PIK3R1: variants seen among roughly 807,000 people sequenced by gnomAD.
The protein encoded by PIK3R1 is phosphoinositide-3-kinase regulatory subunit 1.
A neutral mutation model predicts 98.0 loss-of-function variants in PIK3R1; 29 were observed. The observed-to-expected ratio is 0.30, with a 90% CI of 0.22 to 0.40. PIK3R1 has a LOEUF of 0.40. Among genes scored for constraint, PIK3R1 ranks in the 10% least tolerant of loss-of-function variants. The pLI is 1.00. For missense variants in PIK3R1, 596 were observed against 872.7 expected (o/e 0.68, Z 3.99); for synonymous variants, 282 against 311.8 (o/e 0.90, Z 1.01).
intron 2 of PIK3R1, among the ~76,000 whole-genome samples, chr5:68,265,007 G>A (rs1247795436): frequency 6.6e-6 from 1 of 152,142 alleles, no homozygotes; most frequent in Non-Finnish European, 1.5e-5. Context: ...TCAGTAAGAA[G>A]GTCAATCATT....
Position 68,262,386 on chromosome 5 carries a change from T to TATATATATATATATA in PIK3R1, c.335-11004_335-11003insATATATATATATATA, listed in dbSNP as rs576101819. 3.4e-3 allele frequency among the ~76,000 whole-genome samples: 471 copies of TATATATATATATATA among 138,454 alleles called. 6 individuals carry two copies. Among genetic ancestry groups the TATATATATATATATA allele is most frequent in the African/African-American group, 0.012 (437 of 37,246 alleles). 90.8% of individuals were successfully genotyped at this position (138,454 alleles called of 152,430 possible). ...ATGACCAGGCTTCTTTCTATAATTTTTATATATATATATATATACACACAC... is the reference window on the plus strand; with the variant it reads ...ATGACCAGGCTTCTTTCTATAATTTTATATATATATATATATATATATATATATATATACACACAC... On this transcript the variant is annotated intron_variant, in intron 2 of 15. Coordinates refer to ENST00000521381, the MANE Select transcript of PIK3R1 (RefSeq NM_181523.3).
At chr5:68,275,333 A>G (rs1307372333) in intron 4 of PIK3R1, among the ~76,000 whole-genome samples, 1 of 152,106 alleles carries the variant, frequency 6.6e-6, no homozygotes, top group Admixed American at 6.6e-5. Flanking sequence ...CTTTAAGGAA[A>G]CGCTGAATTT....
At chr5:68,227,871 A>T (rs1744339456) in intron 2 of PIK3R1, among the ~76,000 whole-genome samples, 1 of 152,230 alleles carries the variant, frequency 6.6e-6, no homozygotes. Flanking sequence ...AACCACCTTC[A>T]TTCAAAAACC....
chr5:68,288,752 G>GT (rs762524019), intron 7 of PIK3R1: 1 of 1,613,710 alleles, frequency 6.2e-7, no homozygotes, highest in Non-Finnish European at 8.5e-7. Context: ...AACCTGCAAA[G>GT]TAAGTTGCCT....
chr5:68,284,591 A>T (rs1455332745), intron 7 of PIK3R1, among the ~76,000 whole-genome samples: 1 of 152,222 alleles, frequency 6.6e-6, no homozygotes, highest in African/African-American at 2.4e-5. Context: ...CCCGTTTTAT[A>T]TGCAAGTTAA....
intron 2 of PIK3R1, among the ~76,000 whole-genome samples, chr5:68,268,892 A>G (rs966196024): frequency 1.3e-5 from 2 of 152,202 alleles, no homozygotes; most frequent in African/African-American, 2.4e-5. Context: ...GTGCCCAAGG[A>G]CTGTCGAGGC....
chr5:68,291,124 T>C (rs1476790378), intron 7 of PIK3R1: 1 of 301,458 alleles, frequency 3.3e-6, no homozygotes, highest in Non-Finnish European at 6.2e-6. Flanking sequence ...GGGTGAGTTA[T>C]GTTGTGGGAT....
intron 1 of PIK3R1, among the ~76,000 whole-genome samples, chr5:68,220,433 C>T (rs573681121): frequency 1.6e-4 from 25 of 152,292 alleles, no homozygotes; most frequent in African/African-American, 5.8e-4. Context: ...ATCTGTCTGT[C>T]CCTCAGGTCC....
At chr5:68,259,438 T>C (rs1745652232) in intron 2 of PIK3R1, among the ~76,000 whole-genome samples, 1 of 152,226 alleles carries the variant, frequency 6.6e-6, no homozygotes, top group African/African-American at 2.4e-5. Context: ...TCTGCATCTT[T>C]TCTTCCAAAA....
intron 2 of PIK3R1, among the ~76,000 whole-genome samples, chr5:68,256,765 T>TA (rs375403469): frequency 0.053 from 7,685 of 145,544 alleles, 222 homozygotes; most frequent in African/African-American, 0.06. Context: ...CAAGCTGGGT[T>TA]AAAAAAAAAA....
intron 2 of PIK3R1, among the ~76,000 whole-genome samples, chr5:68,235,441 T>C (rs1744630952): frequency 6.6e-6 from 1 of 150,930 alleles, no homozygotes; most frequent in South Asian, 2.1e-4. Flanking sequence ...AATAAATAAA[T>C]AAATAATTTT....
chr5:68,247,903 C>T (rs1187994708), intron 2 of PIK3R1, among the ~76,000 whole-genome samples: 2 of 152,082 alleles, frequency 1.3e-5, no homozygotes, highest in Admixed American at 1.3e-4. Flanking sequence ...CATCATTGCC[C>T]CAGAGTCATT....
chr5:68,265,762 T>A (rs1378046433), intron 2 of PIK3R1, among the ~76,000 whole-genome samples: 1 of 152,178 alleles, frequency 6.6e-6, no homozygotes, highest in Non-Finnish European at 1.5e-5. Flanking sequence ...AAAAAAAATG[T>A]GCTGGCAGAT....
intron 1 of PIK3R1, among the ~76,000 whole-genome samples, chr5:68,219,850 T>G (rs1453702840): frequency 6.6e-6 from 1 of 152,232 alleles, no homozygotes; most frequent in Admixed American, 6.5e-5. Context: ...GAAATAATAG[T>G]AATATAATAG....
intron 2 of PIK3R1, among the ~76,000 whole-genome samples, chr5:68,247,860 T>C (rs1397040236): frequency 6.6e-6 from 1 of 152,184 alleles, no homozygotes; most frequent in Non-Finnish European, 1.5e-5. Flanking sequence ...TTCCAGATCA[T>C]GGGCACCATA....
In PIK3R1 at chr5:68,280,928, T is replaced by C; in HGVS notation, c.838T>C (p.Ser280Pro). ...PMLFRFSAAS[S>P]DNTENLIKVI... ...TCTAATAAACTCTCTTTCTTACAGC[T>C]CTGATAATACTGAAAACCTCATAAA... is the stretch of plus-strand genomic sequence containing the variant. The change falls in exon 7 of 16, where the codon TCT (serine) becomes CCT (proline). Residue 280 changes from serine (S) to proline (P), a missense_variant and splice_region_variant. By Grantham distance (74) the Ser-to-Pro change is moderately conservative. Coordinates refer to ENST00000521381, the MANE Select transcript of PIK3R1 (RefSeq NM_181523.3). 2 of 1,575,768 alleles carry C rather than the reference T, an allele frequency of 1.3e-6. No homozygotes were observed. The highest frequency in any genetic ancestry group is 2.3e-5 in the South Asian group (2 of 87,138).
chr5:68,236,416 AT>A (rs1744673120), intron 2 of PIK3R1, among the ~76,000 whole-genome samples: 1 of 147,870 alleles, frequency 6.8e-6, no homozygotes, highest in African/African-American at 2.4e-5. Context: ...CGCCCGTCTA[AT>A]TTTTTGTATT....
intron 2 of PIK3R1, among the ~76,000 whole-genome samples, chr5:68,254,313 A>C (rs1026164243): frequency 6.6e-6 from 1 of 152,142 alleles, no homozygotes; most frequent in Non-Finnish European, 1.5e-5. Flanking sequence ...TCTCTTCATC[A>C]ATTAGTATGG....
intron 2 of PIK3R1, among the ~76,000 whole-genome samples, chr5:68,238,510 C>T (rs1744747885): frequency 2.6e-5 from 4 of 151,614 alleles, no homozygotes; most frequent in Admixed American, 2.0e-4. Context: ...AGTAGTCAGG[C>T]GGTTATGAGA....
Sources: allele counts gnomAD v4.1 joint callset (sites outside exome capture counted in the v4.1 genomes callset), GRCh38; gene constraint gnomAD v4.1.1; transcripts MANE v1.5; gene names NCBI Gene and HGNC (gene_info 2026-07-23, HGNC 2026-07-21).